The following STAT1 variants were observed in gnomAD, a reference collection of about 807,000 sequenced individuals.
STAT1 encodes the protein signal transducer and activator of transcription 1-alpha/beta.
STAT1 carries 24 observed loss-of-function variants against 111.7 expected under a neutral mutation model. The observed-to-expected ratio is 0.21, with a 90% CI of 0.16 to 0.30. The LOEUF (loss-of-function observed/expected upper bound fraction) is 0.30. Ranked by LOEUF, STAT1 falls within the 10% of genes least tolerant of loss-of-function variation. The pLI, the probability that STAT1 is intolerant of heterozygous loss-of-function variation, is 1.00. For missense variants in STAT1, 351 were observed against 911.9 expected (o/e 0.38, Z 7.92); for synonymous variants, 332 against 326.5 (o/e 1.02, Z -0.18).
At chr2:190,988,560 C>T (rs1425300850) in intron 12 of STAT1, among the ~76,000 whole-genome samples, 2 of 152,016 alleles carry the variant, frequency 1.3e-5, no homozygotes, top group Non-Finnish European at 2.9e-5. Context: ...TTGTATTTTT[C>T]GTAGAGACGG....
chr2:190,976,820 C>T lies in STAT1; in HGVS notation c.2059+20G>A, dbSNP rs1574638314. 1.9e-6 allele frequency: 3 copies of T among 1,609,990 alleles called. No homozygotes were observed. The East Asian group carries it at 6.7e-5, about 36-fold the overall frequency. ...AGGAAAGACTGTGCCACGCTGTTACCACCTGCTTGCCCCACTTACCTTCCT... is the reference window on the plus strand; with the variant it reads ...AGGAAAGACTGTGCCACGCTGTTACTACCTGCTTGCCCCACTTACCTTCCT... On this transcript the variant is annotated intron_variant, in intron 22 of 24. Transcript: ENST00000361099. The surrounding 1 kb of genome is among the most constrained non-coding windows in gnomAD (Gnocchi z 6.0).
chr2:191,013,175 AT>A (rs1336549656), intron 2 of STAT1, among the ~76,000 whole-genome samples: 1 of 152,254 alleles, frequency 6.6e-6, no homozygotes, highest in African/African-American at 2.4e-5. Context: ...AGCAAACCAT[AT>A]TATGATCTCA....
At position 191,006,891 on chromosome 2, in the gene STAT1, T is replaced by C. The variant is rs907779053; in HGVS notation, c.372+672A>G. Among the ~76,000 whole-genome samples, 1 of 152,222 alleles carries C rather than the reference T, an allele frequency of 6.6e-6. No homozygotes were observed. Among genetic ancestry groups the C allele is most frequent in the African/African-American group, 2.4e-5 (1 of 41,458 alleles). On this transcript the variant is annotated intron_variant, in intron 5 of 24. Coordinates refer to ENST00000361099, the MANE Select transcript of STAT1 (RefSeq NM_007315.4). The surrounding 1 kb of genome is among the most constrained non-coding windows in gnomAD (Gnocchi z 4.6). Reference sequence around the variant, plus strand: ...CTTGATGTTGCTCAAAACAAAGCCCTTGATTTTCCCATCAGCCTCCTTTTC... The same window carrying C: ...CTTGATGTTGCTCAAAACAAAGCCCCTGATTTTCCCATCAGCCTCCTTTTC...
At position 190,969,182 on chromosome 2, in the gene STAT1, T is replaced by C. The variant is rs1691267717; in HGVS notation, c.*1521A>G. Reference sequence around the variant, plus strand: ...AATATTGTTTTAATGTTGTCTTCTTTGTTTTTTAGTCATTTCAATTGTAAA... The same window carrying C: ...AATATTGTTTTAATGTTGTCTTCTTCGTTTTTTAGTCATTTCAATTGTAAA... On this transcript the variant is annotated 3_prime_UTR_variant, in exon 25 of 25. Transcript: ENST00000361099. 1 of 152,194 alleles carries C rather than the reference T, an allele frequency of 6.6e-6. No homozygotes were observed. The highest frequency in any genetic ancestry group is 1.5e-5 in the Non-Finnish European group (1 of 68,012). 9.4% of individuals were successfully genotyped at this position (152,194 alleles called of 1,614,324 possible). A position where few individuals can be genotyped will look rare whatever the true frequency, so the allele number is the denominator to read the frequency against.
At position 190,974,147 on chromosome 2, in the gene STAT1, A is replaced by G. The variant is rs531579142; in HGVS notation, c.2238+683T>C. ...TCAGCAAAAATCCAGCCAAGCAAGC[A>G]CAATCTTTAAGAGGAAGGATTTTAG... On this transcript the variant is annotated intron_variant, in intron 24 of 24. Transcript: ENST00000361099. This position sits in a 1 kb window ranked among gnomAD's most constrained non-coding sequence, Gnocchi z 4.8. Among the ~76,000 whole-genome samples the G allele has an allele frequency of 9.8e-5, 15 of 152,366 alleles. 1 individual carries two copies. Among genetic ancestry groups the G allele is most frequent in the Admixed American group, 2.0e-4 (3 of 15,308 alleles).
chr2:190,989,684 A>T lies in STAT1; in HGVS notation c.1038-10T>A. On this transcript the variant is annotated splice_polypyrimidine_tract_variant and intron_variant, in intron 11 of 24. Coordinates refer to ENST00000361099, the MANE Select transcript of STAT1 (RefSeq NM_007315.4). This position sits in a 1 kb window ranked among gnomAD's most constrained non-coding sequence, Gnocchi z 5.0. ...CAATTTCACCAACAGTCTGGAAAGA[A>T]AAATAAAAGCCATTACTTAAAAAAA... 1.3e-6 allele frequency: 2 copies of T among 1,591,014 alleles called. No individual in the cohort carries two copies. The highest frequency in any genetic ancestry group is 1.7e-6 in the Non-Finnish European group (2 of 1,163,926).
In STAT1 at chr2:190,986,705, G is replaced by A. The variant is rs754978492; in HGVS notation, c.1221+149C>T. 6 of 770,984 alleles carry A rather than the reference G, an allele frequency of 7.8e-6. No individual in the cohort carries two copies. The highest frequency in any genetic ancestry group is 1.4e-5 in the Non-Finnish European group (6 of 438,354). 47.8% of individuals were successfully genotyped at this position (770,984 alleles called of 1,614,324 possible). A position where few individuals can be genotyped will look rare whatever the true frequency, so the allele number is the denominator to read the frequency against. ...AGGAGGAGAAACCAAAATGCCCCAA[G>A]TACTGGCGACAGGAAGACACCAGCC... On this transcript the variant is annotated intron_variant, in intron 14 of 24. Transcript: ENST00000361099. This position sits in a 1 kb window ranked among gnomAD's most constrained non-coding sequence, Gnocchi z 5.0.
In STAT1 at chr2:190,985,385, C is replaced by T. The variant is rs182559363; in HGVS notation, c.1263+234G>A. ...ACAAAAGCCCACAACAGCTACTCCA[C>T]TGAGTTGTCCATGAGTGTCTAATGA... On this transcript the variant is annotated intron_variant, in intron 15 of 24. Coordinates refer to ENST00000361099, the MANE Select transcript of STAT1 (RefSeq NM_007315.4). Among the ~76,000 whole-genome samples the T allele has an allele frequency of 4.6e-3, 701 of 152,372 alleles. 5 individuals are homozygous for T. Among genetic ancestry groups the T allele is most frequent in the Non-Finnish European group, 7.0e-3 (476 of 68,032 alleles).
chr2:190,970,409 G>C lies in STAT1; in HGVS notation c.*294C>G. The C allele has an allele frequency of 2.1e-6, 1 of 483,928 alleles. No homozygotes were observed. The allele number at this position is 483,928 out of a possible 1,614,324, so 30.0% of individuals were successfully genotyped here. On this transcript the variant is annotated 3_prime_UTR_variant, in exon 25 of 25. Transcript: ENST00000361099. The surrounding 1 kb of genome is among the most constrained non-coding windows in gnomAD (Gnocchi z 5.4). ...TTGCTTAACTTCTCCTTTCCCAAAGGACCCTCATTCTCGTCCTGATACTTT... is the reference window on the plus strand; with the variant it reads ...TTGCTTAACTTCTCCTTTCCCAAAGCACCCTCATTCTCGTCCTGATACTTT...
In STAT1 at chr2:191,004,517, C is replaced by A. The variant is rs576503509; in HGVS notation, c.372+3046G>T. 1.3e-3 allele frequency among the ~76,000 whole-genome samples: 196 copies of A among 152,288 alleles called. No individual in the cohort carries two copies. The highest frequency in any genetic ancestry group is 2.3e-3 in the Non-Finnish European group (158 of 68,034). On this transcript the variant is annotated intron_variant, in intron 5 of 24. Transcript: ENST00000361099. This position sits in a 1 kb window ranked among gnomAD's most constrained non-coding sequence, Gnocchi z 5.0. ...CAGCCAGAAAGCCCTCATATCCCAT[C>A]CCACAGATTAGAAAACTGAAAAGTG... is the stretch of plus-strand genomic sequence containing the variant.
chr2:190,988,937 T>C (rs1693092933), intron 12 of STAT1, among the ~76,000 whole-genome samples: 1 of 152,030 alleles, frequency 6.6e-6, no homozygotes, highest in South Asian at 2.1e-4. Flanking sequence ...TGTTCCTTAA[T>C]GAGAGTGGCC....
rs999631190 is a variant in STAT1 at position 191,000,821 on chromosome 2, T to C, written c.462+253A>G. ...TACTGGGTACTGGGCAAAGTCAACA[T>C]TTACTGCATGATCTTTCAGGGAAGA... On this transcript the variant is annotated intron_variant, in intron 6 of 24. Transcript: ENST00000361099. The surrounding 1 kb of genome is among the most constrained non-coding windows in gnomAD (Gnocchi z 4.8). 2.0e-5 allele frequency among the ~76,000 whole-genome samples: 3 copies of C among 152,288 alleles called. No individual in the cohort carries two copies. Among genetic ancestry groups the C allele is most frequent in the African/African-American group, 7.2e-5 (3 of 41,562 alleles).
In STAT1 at chr2:190,970,901, C is replaced by G. The variant is rs1691405572; in HGVS notation, c.2239-184G>C. ...ATGTATTATCCTGGGCTAATCAAGA[C>G]CTTTTATATCACCTAAGCTGACGGA... On this transcript the variant is annotated intron_variant, in intron 24 of 24. Transcript: ENST00000361099. This position sits in a 1 kb window ranked among gnomAD's most constrained non-coding sequence, Gnocchi z 5.4. 6.6e-6 allele frequency among the ~76,000 whole-genome samples: 1 copy of G among 152,214 alleles called. No homozygotes were observed. Among genetic ancestry groups the G allele is most frequent in the Non-Finnish European group, 1.5e-5 (1 of 68,036 alleles).
In STAT1 at chr2:190,980,001, C is replaced by T; in HGVS notation, c.1633-135G>A. ...GTCCCATTCAGCACAGCAATGGGAT[C>T]CCTCCCCTGGCAGGGAATATCAAGT... On this transcript the variant is annotated intron_variant, in intron 19 of 24. Transcript: ENST00000361099. The surrounding 1 kb of genome is among the most constrained non-coding windows in gnomAD (Gnocchi z 6.1). The T allele has an allele frequency of 1.5e-6, 1 of 686,186 alleles. No homozygotes were observed. 42.5% of individuals were successfully genotyped at this position (686,186 alleles called of 1,614,324 possible).
chr2:190,993,119 A>C lies in STAT1; in HGVS notation c.945-1799T>G. ...TGCATTCCTAGCACTAGTTTCCAAA[A>C]ACAGAATTCCAAGGGAATCAGCAAA... On this transcript the variant is annotated intron_variant, in intron 10 of 24. Transcript: ENST00000361099. This position sits in a 1 kb window ranked among gnomAD's most constrained non-coding sequence, Gnocchi z 4.1. The C allele has an allele frequency of 2.4e-6, 1 of 413,078 alleles. No homozygotes were observed. The allele number at this position is 413,078 out of a possible 1,614,324, so 25.6% of individuals were successfully genotyped here. A position where few individuals can be genotyped will look rare whatever the true frequency, so the allele number is the denominator to read the frequency against.
Position 191,008,073 on chromosome 2 carries a change from C to T in STAT1, c.274-412G>A, listed in dbSNP as rs1366192114. On this transcript the variant is annotated intron_variant, in intron 4 of 24. Transcript: ENST00000361099. ...TTTGAACTAGACCAAAGATATTCAT[C>T]TAGGGTTTTCTGTTGCCATTGTCAA... is the stretch of plus-strand genomic sequence containing the variant. 7.9e-5 allele frequency: 35 copies of T among 440,634 alleles called. No individual in the cohort carries two copies. The Admixed American group carries it at 8.9e-4, about 11-fold the overall frequency. 27.3% of individuals were successfully genotyped at this position (440,634 alleles called of 1,614,324 possible).
In STAT1 at chr2:190,995,004, A is replaced by G; in HGVS notation, c.944+57T>C. Reference sequence around the variant, plus strand: ...TGTAAATCATCTGAATTAACGGTAAAATGTTCCTCTGTATAGACCGATTAC... The same window carrying G: ...TGTAAATCATCTGAATTAACGGTAAGATGTTCCTCTGTATAGACCGATTAC... On this transcript the variant is annotated intron_variant, in intron 10 of 24. Transcript: ENST00000361099. This position sits in a 1 kb window ranked among gnomAD's most constrained non-coding sequence, Gnocchi z 4.2. 11 of 1,521,632 alleles carry G rather than the reference A, an allele frequency of 7.2e-6. No homozygotes were observed. The highest frequency in any genetic ancestry group is 2.3e-5 in the East Asian group (1 of 43,602). The allele number at this position is 1,521,632 out of a possible 1,614,324, so 94.3% of individuals were successfully genotyped here.
At position 190,997,349 on chromosome 2, in the gene STAT1, C is replaced by T. The variant is rs1390578227; in HGVS notation, c.785+507G>A. On this transcript the variant is annotated intron_variant, in intron 9 of 24. Coordinates refer to ENST00000361099, the MANE Select transcript of STAT1 (RefSeq NM_007315.4). The surrounding 1 kb of genome is among the most constrained non-coding windows in gnomAD (Gnocchi z 7.3). ...ATACTTTTACCACACGAATTATTACCATGTCTACATCCCCCCCTCCACACT... is the reference window on the plus strand; with the variant it reads ...ATACTTTTACCACACGAATTATTACTATGTCTACATCCCCCCCTCCACACT... 6.6e-6 allele frequency among the ~76,000 whole-genome samples: 1 copy of T among 152,148 alleles called. No individual in the cohort carries two copies. Among genetic ancestry groups the T allele is most frequent in the African/African-American group, 2.4e-5 (1 of 41,438 alleles).
At position 191,003,477 on chromosome 2, in the gene STAT1, G is replaced by A. The variant is rs1407780164; in HGVS notation, c.373-2314C>T. ...GCCTGGTGGAAGGTGACTGGATCACGGGGACAGTTTCTCATGAATAGTTTA... is the reference window on the plus strand; with the variant it reads ...GCCTGGTGGAAGGTGACTGGATCACAGGGACAGTTTCTCATGAATAGTTTA... On this transcript the variant is annotated intron_variant, in intron 5 of 24. Coordinates refer to ENST00000361099, the MANE Select transcript of STAT1 (RefSeq NM_007315.4). This position sits in a 1 kb window ranked among gnomAD's most constrained non-coding sequence, Gnocchi z 4.0. Among the ~76,000 whole-genome samples the A allele has an allele frequency of 6.6e-6, 1 of 152,164 alleles. No individual in the cohort carries two copies. The highest frequency in any genetic ancestry group is 6.5e-5 in the Admixed American group (1 of 15,282).
Sources: allele counts gnomAD v4.1 joint callset (sites outside exome capture counted in the v4.1 genomes callset), GRCh38; gene constraint gnomAD v4.1.1; non-coding constraint Gnocchi (gnomAD v3.1); transcripts MANE v1.5; gene names NCBI Gene and HGNC (gene_info 2026-07-23, HGNC 2026-07-21).